The following RALGAPA1 variants were observed in gnomAD, a reference collection of about 807,000 sequenced individuals.
The protein encoded by RALGAPA1 is ral GTPase-activating protein subunit alpha-1.
A neutral mutation model predicts 269.6 loss-of-function variants in RALGAPA1; 52 were observed. The observed-to-expected ratio is 0.19, with a 90% confidence interval of 0.15 to 0.24. The LOEUF is 0.24. RALGAPA1 is among the 10% of genes least tolerant of loss of function. The probability of loss-of-function intolerance (pLI) is 1.00; values close to 1 mark genes in which losing one functional copy is unlikely to be tolerated. For missense variants in RALGAPA1, 1,917 were observed against 3,013.9 expected, an observed-to-expected ratio of 0.64 and a Z score of 8.52; for synonymous variants, 817 against 1,008.3, an observed-to-expected ratio of 0.81 and a Z score of 3.60.
At chr14:35,590,532 T>C (rs992414542) in intron 37 of RALGAPA1, among the ~76,000 whole-genome samples, 4 of 152,156 alleles carry the variant, frequency 2.6e-5, no homozygotes, top group African/African-American at 9.7e-5. Flanking sequence ...TATAAGGGTT[T>C]GACAGTTACT....
chr14:35,787,567 T>C (rs1167314607), intron 1 of RALGAPA1, among the ~76,000 whole-genome samples: 2 of 152,182 alleles, frequency 1.3e-5, no homozygotes, highest in East Asian at 3.8e-4. Flanking sequence ...TTTCCTTTCA[T>C]TCATTTAATT....
At chr14:35,778,577 G>C (rs2075216694) in intron 1 of RALGAPA1, among the ~76,000 whole-genome samples, 1 of 152,078 alleles carries the variant, frequency 6.6e-6, no homozygotes, top group Non-Finnish European at 1.5e-5. Context: ...CTAAAAATTG[G>C]CACAATGCTG....
Position 35,730,506 on chromosome 14 carries a change from C to G in RALGAPA1, c.1588-1996G>C, listed in dbSNP as rs531434475. Among the ~76,000 whole-genome samples the G allele has an allele frequency of 8.5e-5, 10 of 117,040 alleles. No individual in the cohort carries two copies. In the South Asian group the frequency reaches 1.5e-3, roughly 18 times the overall value. The allele number at this position is 117,040 out of a possible 152,430, so 76.8% of individuals were successfully genotyped here. A position where few individuals can be genotyped will look rare whatever the true frequency, so the allele number is the denominator to read the frequency against. ...CCAGGGAAAGTTCTCAAACCCTGCT[C>G]GCCCACTGCCTGGAAACAGACTCAG... On this transcript the variant is annotated intron_variant, in intron 12 of 41. Coordinates refer to ENST00000680220, the MANE Select transcript of RALGAPA1 (RefSeq NM_001346249.2).
intron 7 of RALGAPA1, 128 bp from the exon 8 acceptor site, chr14:35,752,290 ACATAG>A: frequency 2.8e-6 from 3 of 1,065,278 alleles, no homozygotes; most frequent in Non-Finnish European, 3.8e-6. Context: ...AGATCATGAT[ACATAG>A]CATAAGGACA....
At chr14:35,694,533 T>G (rs1198003676) in intron 17 of RALGAPA1, among the ~76,000 whole-genome samples, 1 of 152,154 alleles carries the variant, frequency 6.6e-6, no homozygotes, top group Non-Finnish European at 1.5e-5. Context: ...GTTTTTACAT[T>G]ATTGTAATCA....
chr14:35,802,709 T>A (rs2077067744), intron 1 of RALGAPA1, among the ~76,000 whole-genome samples: 1 of 148,186 alleles, frequency 6.7e-6, no homozygotes, highest in African/African-American at 2.5e-5. Context: ...AAAAATACAG[T>A]GTCACTGTGT....
intron 9 of RALGAPA1, among the ~76,000 whole-genome samples, 184 bp downstream of exon 9, chr14:35,750,298 T>C (rs2072555083): frequency 6.6e-6 from 1 of 152,192 alleles, no homozygotes; most frequent in Non-Finnish European, 1.5e-5. Context: ...ATACTTCCCG[T>C]TTCATTTCTT....
chr14:35,743,417 A>C (rs956639150), intron 10 of RALGAPA1, among the ~76,000 whole-genome samples: 5 of 152,236 alleles, frequency 3.3e-5, no homozygotes, highest in African/African-American at 1.2e-4. Context: ...CAGAATGGTG[A>C]TATTCCTTGC....
rs192441551 is a variant in RALGAPA1, at chr14:35,586,760, G to A, written c.7209+8874C>T. 5.3e-5 allele frequency among the ~76,000 whole-genome samples: 8 copies of A among 152,234 alleles called. No homozygotes were observed. In the East Asian group the frequency reaches 9.6e-4, roughly 18 times the overall value. On this transcript the variant is annotated intron_variant, in intron 37 of 41. Transcript: ENST00000680220. ...TGGTTCTGTTTCTATGCTGGATTAC[G>A]TTCATTGATTTGTGTATGTTGAACC...
chr14:35,744,129 T>C (rs985410634), intron 10 of RALGAPA1, among the ~76,000 whole-genome samples: 1 of 152,180 alleles, frequency 6.6e-6, no homozygotes, highest in African/African-American at 2.4e-5. Flanking sequence ...CCTAGCACTT[T>C]GGGAAGCCAA....
intron 30 of RALGAPA1, among the ~76,000 whole-genome samples, chr14:35,653,438 G>A (rs1420959769): frequency 6.6e-6 from 1 of 152,188 alleles, no homozygotes; most frequent in African/African-American, 2.4e-5. Context: ...GAGGGCACTA[G>A]AGAAGAGAAG....
At chr14:35,619,798 G>A (rs1301139633) in intron 35 of RALGAPA1, among the ~76,000 whole-genome samples, 2 of 152,158 alleles carry the variant, frequency 1.3e-5, no homozygotes, top group African/African-American at 4.8e-5. Flanking sequence ...ACTAAACCAG[G>A]AAGAAGTTGA....
At chr14:35,697,477 C>T (rs1159237162) in intron 17 of RALGAPA1, among the ~76,000 whole-genome samples, 1 of 152,012 alleles carries the variant, frequency 6.6e-6, no homozygotes, top group Non-Finnish European at 1.5e-5. Context: ...TACTGAGCAG[C>T]TGGGACTACA....
At chr14:35,586,765 T>C (rs2058322296) in intron 37 of RALGAPA1, among the ~76,000 whole-genome samples, 2 of 152,194 alleles carry the variant, frequency 1.3e-5, no homozygotes, top group South Asian at 4.1e-4. Flanking sequence ...ATTACGTTCA[T>C]TGATTTGTGT....
At chr14:35,721,622 A>T in intron 16 of RALGAPA1, 66 bp downstream of exon 16, 1 of 1,367,222 alleles carries the variant, frequency 7.3e-7, no homozygotes, top group Non-Finnish European at 9.9e-7. Flanking sequence ...ATATTGATAT[A>T]AATTGTTACC....
chr14:35,645,330 A>T (rs1448693200), intron 31 of RALGAPA1, among the ~76,000 whole-genome samples: 5 of 142,210 alleles, frequency 3.5e-5, no homozygotes, highest in African/African-American at 1.1e-4. Context: ...TTCAGTCTAT[A>T]GCAGATATAG....
Position 35,656,117 on chromosome 14 carries a change from T to C in RALGAPA1, c.5388-202A>G, listed in dbSNP as rs139744611. On this transcript the variant is annotated intron_variant, in intron 28 of 41. Transcript: ENST00000680220. ...AACTTCTGAGCCTAATTTTCTATTATAATTTACTAAGAAGACTACAGGCTG... is the reference window on the plus strand; with the variant it reads ...AACTTCTGAGCCTAATTTTCTATTACAATTTACTAAGAAGACTACAGGCTG... Among the ~76,000 whole-genome samples the C allele has an allele frequency of 1.1e-3, 169 of 152,280 alleles. 1 individual carries two copies. Among genetic ancestry groups the C allele is most frequent in the African/African-American group, 4.0e-3 (167 of 41,586 alleles).
At chr14:35,799,571 A>G (rs1466100820) in intron 1 of RALGAPA1, among the ~76,000 whole-genome samples, 1 of 152,074 alleles carries the variant, frequency 6.6e-6, no homozygotes, top group Admixed American at 6.6e-5. Flanking sequence ...CAGAAAAAAA[A>G]AAAAAGAAAA....
chr14:35,574,827 C>T (rs1278266077), intron 37 of RALGAPA1, among the ~76,000 whole-genome samples: 3 of 151,986 alleles, frequency 2.0e-5, no homozygotes, highest in Admixed American at 6.5e-5. Flanking sequence ...TATGGACTTA[C>T]AAGATTGTGT....
Sources: gnomAD v4.1 joint callset for allele counts (sites outside exome capture counted in the v4.1 genomes callset) on GRCh38, gnomAD v4.1.1 for gene constraint, MANE v1.5 for transcripts, NCBI Gene and HGNC (gene_info 2026-07-23, HGNC 2026-07-21) for gene names.